Variants in PTPRT observed in about 807,000 individuals in gnomAD.
The protein encoded by PTPRT is receptor-type tyrosine-protein phosphatase T.
In PTPRT, 56 loss-of-function variants were observed where a neutral mutation model predicts 176.8. That is an observed-to-expected ratio of 0.32 (90% CI 0.26 to 0.40). The LOEUF (loss-of-function observed/expected upper bound fraction) is 0.40, where lower values mean the gene tolerates loss of function less well. Among genes scored for constraint, PTPRT ranks in the 10% least tolerant of loss-of-function variants. PTPRT has a pLI of 1.00. For missense variants in PTPRT, 1,540 were observed against 1,908.2 expected (o/e 0.81, Z 3.60); for synonymous variants, 783 against 739.0 (o/e 1.06, Z -0.96).
intron 1 of PTPRT, among the ~76,000 whole-genome samples, chr20:43,090,911 C>T (rs1045452227): frequency 4.6e-5 from 7 of 152,022 alleles, no homozygotes; most frequent in Non-Finnish European, 7.4e-5. Context: ...CATCAAGTGC[C>T]GAACAGGATA....
intron 13 of PTPRT, chr20:42,270,564 A>T (rs2056917593): frequency 3.6e-6 from 3 of 834,586 alleles, no homozygotes; most frequent in Non-Finnish European, 5.8e-6. Flanking sequence ...TGTGGCTCTG[A>T]AGAGCTCACA....
chr20:42,204,867 G>A (rs1179380029), intron 15 of PTPRT, among the ~76,000 whole-genome samples: 1 of 152,086 alleles, frequency 6.6e-6, no homozygotes, highest in Non-Finnish European at 1.5e-5. Context: ...CATTTCTCAC[G>A]GAGAGGGAAT....
intron 7 of PTPRT, among the ~76,000 whole-genome samples, chr20:42,578,732 G>A (rs1409777953): frequency 6.6e-6 from 1 of 152,070 alleles, no homozygotes; most frequent in Non-Finnish European, 1.5e-5. Flanking sequence ...TCTCGGATCT[G>A]CAATCGCCTC....
intron 6 of PTPRT, among the ~76,000 whole-genome samples, chr20:42,746,620 G>T (rs2076694386): frequency 7.9e-6 from 1 of 127,318 alleles, no homozygotes; most frequent in African/African-American, 4.2e-5. Context: ...GACAATAGCA[G>T]TCATGGGAAA....
intron 17 of PTPRT, among the ~76,000 whole-genome samples, chr20:42,153,219 T>C (rs780766718): frequency 1.3e-5 from 2 of 152,242 alleles, no homozygotes; most frequent in Non-Finnish European, 2.9e-5. Flanking sequence ...TTTATTTATC[T>C]TTCTATCTCC....
chr20:43,044,583 G>A (rs376083408), intron 1 of PTPRT, among the ~76,000 whole-genome samples: 1 of 152,164 alleles, frequency 6.6e-6, no homozygotes. Context: ...TCCGGCCTCA[G>A]CACCTCCCTG....
chr20:43,032,925 G>A (rs925970590), intron 1 of PTPRT, among the ~76,000 whole-genome samples: 2 of 152,172 alleles, frequency 1.3e-5, no homozygotes, highest in Admixed American at 1.3e-4. Context: ...CAGAGGTCTT[G>A]GCGGTTCTCT....
chr20:42,715,416 G>T (rs2076208243), intron 6 of PTPRT, among the ~76,000 whole-genome samples: 1 of 152,112 alleles, frequency 6.6e-6, no homozygotes, highest in Non-Finnish European at 1.5e-5. Flanking sequence ...AAGAAAATTG[G>T]ATATAATGGG....
chr20:42,572,916 GTT>G (rs758866784), intron 7 of PTPRT, among the ~76,000 whole-genome samples: 1 of 116,780 alleles, frequency 8.6e-6, no homozygotes, highest in African/African-American at 3.7e-5. Context: ...CTAGAGATAA[GTT>G]TTTGTTTTTT....
chr20:42,885,792 T>A lies in PTPRT; in HGVS notation c.214+15A>T. 1 of 1,598,582 alleles carries A rather than the reference T, an allele frequency of 6.3e-7. No individual in the cohort carries two copies. The highest frequency in any genetic ancestry group is 8.5e-7 in the Non-Finnish European group (1 of 1,170,076). On this transcript the variant is annotated intron_variant, in intron 2 of 30. Coordinates refer to ENST00000373187, the MANE Select transcript of PTPRT (RefSeq NM_007050.6). ...GCCATCCCCATTACAGCCCCAAACA[T>A]GATGGATCACATACCTGTGGGCACT...
intron 2 of PTPRT, among the ~76,000 whole-genome samples, chr20:42,825,937 C>T (rs2077985104): frequency 6.6e-6 from 1 of 151,938 alleles, no homozygotes; most frequent in African/African-American, 2.4e-5. Context: ...GGCAGGAACA[C>T]CTAGGGCTGA....
chr20:42,978,694 A>G (rs1188155647), intron 1 of PTPRT, among the ~76,000 whole-genome samples: 2 of 152,174 alleles, frequency 1.3e-5, no homozygotes, highest in African/African-American at 2.4e-5. Flanking sequence ...TGCAGTAAAG[A>G]AGCCCGCTAA....
chr20:43,050,738 T>C (rs1016005772), intron 1 of PTPRT, among the ~76,000 whole-genome samples: 1 of 152,202 alleles, frequency 6.6e-6, no homozygotes, highest in East Asian at 1.9e-4. Flanking sequence ...TAGCAAACTT[T>C]CCATTCACCC....
intron 9 of PTPRT, among the ~76,000 whole-genome samples, chr20:42,406,450 T>G (rs2058961780): frequency 6.6e-6 from 1 of 151,970 alleles, no homozygotes; most frequent in African/African-American, 2.4e-5. Flanking sequence ...GTAAATAAAA[T>G]GAAATTCAAC....
In PTPRT at chr20:42,952,817, G is replaced by C. The variant is rs149150815; in HGVS notation, c.89-66885C>G. ...AGATCTACCAGCATCTTGCTTTATGGGCAGACACAGAACCTCTCTGAGGCT... is the reference window on the plus strand; with the variant it reads ...AGATCTACCAGCATCTTGCTTTATGCGCAGACACAGAACCTCTCTGAGGCT... On this transcript the variant is annotated intron_variant, in intron 1 of 30. Coordinates refer to ENST00000373187, the MANE Select transcript of PTPRT (RefSeq NM_007050.6). 1.8e-4 allele frequency among the ~76,000 whole-genome samples: 27 copies of C among 152,212 alleles called. No homozygotes were observed. In the East Asian group the frequency reaches 3.9e-3, roughly 22 times the overall value.
chr20:42,326,547 T>C (rs1354133553), intron 11 of PTPRT, among the ~76,000 whole-genome samples: 2 of 152,124 alleles, frequency 1.3e-5, no homozygotes, highest in Non-Finnish European at 2.9e-5. Flanking sequence ...CTAGAAGATG[T>C]AATGAAAAAG....
chr20:42,034,003 A>G, the PTPRT span, among the ~76,000 whole-genome samples: 4 of 152,310 alleles, frequency 2.6e-5, no homozygotes, highest in East Asian at 7.7e-4. Context: ...TAATTAATAT[A>G]TCAGGTATAC....
chr20:42,395,924 C>T (rs79010180), intron 9 of PTPRT, among the ~76,000 whole-genome samples: 10,342 of 152,128 alleles, frequency 0.068, 436 homozygotes, highest in African/African-American at 0.12. Flanking sequence ...CTAGAATCTC[C>T]CTATTCTACC....
Position 42,363,396 on chromosome 20 carries a change from C to T in PTPRT, c.1561-11111G>A, listed in dbSNP as rs191615605. Among the ~76,000 whole-genome samples the T allele has an allele frequency of 5.6e-3, 816 of 144,452 alleles. 9 individuals carry two copies. The highest frequency in any genetic ancestry group is 0.019 in the African/African-American group (742 of 38,722). The allele number at this position is 144,452 out of a possible 152,430, so 94.8% of individuals were successfully genotyped here. ...TGTGATCTTGGCTCACCGCAACCTC[C>T]GCCTCCCGGGTACAAGCAATTCTCC... is the stretch of plus-strand genomic sequence containing the variant. On this transcript the variant is annotated intron_variant, in intron 9 of 30. Coordinates refer to ENST00000373187, the MANE Select transcript of PTPRT (RefSeq NM_007050.6).
Sources: gnomAD v4.1 joint callset for allele counts (sites outside exome capture counted in the v4.1 genomes callset) on GRCh38, gnomAD v4.1.1 for gene constraint, MANE v1.5 for transcripts, NCBI Gene and HGNC (gene_info 2026-07-23, HGNC 2026-07-21) for gene names.